Variants in PPFIBP2 observed in about 807,000 individuals in gnomAD.
PPFIBP2 encodes the protein PPFIB scaffold protein 2, also known as liprin-beta-2.
Under a neutral mutation model 118.3 loss-of-function variants are expected in PPFIBP2, and 118 were observed. The ratio of observed to expected loss-of-function variants is 1.00; its 90% CI spans 0.86 to 1.16. The LOEUF (loss-of-function observed/expected upper bound fraction) is 1.16. PPFIBP2 is among the 50% of genes most tolerant of loss of function. The pLI is 0.00. For missense variants in PPFIBP2, 1,195 were observed against 1,073.1 expected (o/e 1.11, Z -1.59); for synonymous variants, 414 against 397.4 (o/e 1.04, Z -0.50).
chr11:7,629,705 A>G (rs1371804160), intron 10 of PPFIBP2, among the ~76,000 whole-genome samples, 171 bp downstream of exon 10: 1 of 152,208 alleles, frequency 6.6e-6, no homozygotes, highest in Non-Finnish European at 1.5e-5. Flanking sequence ...GCAGTTGTTG[A>G]TTTCCAGAAA....
the PPFIBP2 span, chr11:7,666,786 T>C: frequency 2.5e-6 from 1 of 405,512 alleles, no homozygotes; most frequent in Non-Finnish European, 4.6e-6. Context: ...TAGGTTCCCA[T>C]GGAGCTGCAG....
At chr11:7,542,529 AT>A (rs1851904129) in intron 1 of PPFIBP2, among the ~76,000 whole-genome samples, 1 of 152,122 alleles carries the variant, frequency 6.6e-6, no homozygotes, top group African/African-American at 2.4e-5. Flanking sequence ...CAGCTGCTTA[AT>A]TTTTTTAGTC....
chr11:7,642,630 C>T (rs1852371100), intron 17 of PPFIBP2, among the ~76,000 whole-genome samples: 1 of 152,162 alleles, frequency 6.6e-6, no homozygotes, highest in African/African-American at 2.4e-5. Flanking sequence ...ATCAGTACTC[C>T]TGGAGGTCTT....
At chr11:7,584,507 G>A (rs1005493829) in intron 3 of PPFIBP2, among the ~76,000 whole-genome samples, 1 of 152,176 alleles carries the variant, frequency 6.6e-6, no homozygotes, top group African/African-American at 2.4e-5. Context: ...GACAAAGATG[G>A]TAGATTGGCT....
At chr11:7,650,202 G>T (rs1853770962) in intron 21 of PPFIBP2, among the ~76,000 whole-genome samples, 1 of 152,104 alleles carries the variant, frequency 6.6e-6, no homozygotes, top group Non-Finnish European at 1.5e-5. Context: ...AGTTCTTGGT[G>T]GACCCCCAAA....
chr11:7,562,929 TTATATATATATATATATATA>T (rs60848890), intron 2 of PPFIBP2, among the ~76,000 whole-genome samples: 1,169 of 86,522 alleles, frequency 0.014, 30 homozygotes, highest in East Asian at 0.032. Context: ...AATTAAAGTT[TTATATATATATATATATATA>T]TATATATATA....
At chr11:7,600,565 C>A (rs1449669251) in intron 5 of PPFIBP2, among the ~76,000 whole-genome samples, 1 of 152,182 alleles carries the variant, frequency 6.6e-6, no homozygotes, top group Non-Finnish European at 1.5e-5. Flanking sequence ...CAAACAATTG[C>A]CTCTTTCTGC....
intron 1 of PPFIBP2, among the ~76,000 whole-genome samples, chr11:7,544,847 G>A (rs747359108): frequency 6.7e-5 from 10 of 149,142 alleles, no homozygotes; most frequent in Non-Finnish European, 1.3e-4. Context: ...TTCACATGTC[G>A]CTTGGGATTT....
chr11:7,568,240 A>G (rs915110748), intron 3 of PPFIBP2, among the ~76,000 whole-genome samples: 4 of 152,236 alleles, frequency 2.6e-5, no homozygotes, highest in African/African-American at 9.6e-5. Flanking sequence ...CAAGATGTCC[A>G]GAAGACAGAC....
rs577108948 is a variant in PPFIBP2, at chr11:7,607,360, G to A, written c.487-2931G>A. On this transcript the variant is annotated intron_variant, in intron 5 of 23. Coordinates refer to ENST00000299492, the MANE Select transcript of PPFIBP2 (RefSeq NM_003621.5). ...GTAGCTGGAACTACTTGAGGCCCAT[G>A]CCACCACGGGTGCTAATTTTTTTTT... 9.2e-4 allele frequency among the ~76,000 whole-genome samples: 138 copies of A among 150,550 alleles called. 2 individuals are homozygous for A. The South Asian group carries it at 0.016, about 18-fold the overall frequency.
intron 9 of PPFIBP2, 83 bp from the exon 10 acceptor site, chr11:7,629,376 A>C (rs6578887): frequency 0.54 from 713,688 of 1,330,126 alleles, 196,415 homozygotes; most frequent in African/African-American, 0.8. Flanking sequence ...TCCTTGTGCC[A>C]AGAACATAGC....
downstream of PPFIBP2, chr11:7,655,310 C>A: frequency 1.5e-6 from 1 of 655,560 alleles, no homozygotes; most frequent in Non-Finnish European, 2.4e-6. Context: ...CACTCCTTGC[C>A]TGTCCCTCCA....
chr11:7,647,743 A>C (rs1208945601), intron 17 of PPFIBP2, among the ~76,000 whole-genome samples: 1 of 152,214 alleles, frequency 6.6e-6, no homozygotes, highest in Non-Finnish European at 1.5e-5. Flanking sequence ...ATCTGTAAAG[A>C]ATGGCTTTAT....
intron 11 of PPFIBP2, 171 bp from the exon 12 acceptor site, chr11:7,632,696 C>T (rs1252828280): frequency 3.6e-6 from 2 of 562,966 alleles, no homozygotes; most frequent in Non-Finnish European, 6.5e-6. Context: ...ATAAGCCTAC[C>T]ACACCCCCTT....
chr11:7,644,855 G>A (rs1473609428), intron 17 of PPFIBP2, among the ~76,000 whole-genome samples: 2 of 151,054 alleles, frequency 1.3e-5, no homozygotes, highest in Admixed American at 6.6e-5. Flanking sequence ...GTGAAACCCC[G>A]TCTCTACTAA....
At chr11:7,599,629 CTTTT>C (rs372421700) in intron 5 of PPFIBP2, among the ~76,000 whole-genome samples, 3 of 134,004 alleles carry the variant, frequency 2.2e-5, no homozygotes, top group Non-Finnish European at 1.6e-5. Flanking sequence ...AACTCAATTA[CTTTT>C]TTTTTTTTTT....
At chr11:7,584,547 C>T (rs1857784749) in intron 3 of PPFIBP2, among the ~76,000 whole-genome samples, 1 of 152,178 alleles carries the variant, frequency 6.6e-6, no homozygotes, top group South Asian at 2.1e-4. Context: ...AAAAGCAGAA[C>T]TGGTCCTGGG....
chr11:7,653,509 G>A lies in PPFIBP2; in HGVS notation c.*291G>A. ...CTTGATGTTCATCTTCAGCACCAGT[G>A]GAAACACATGAACTTCGATGCAGGT... is the stretch of plus-strand genomic sequence containing the variant. On this transcript the variant is annotated 3_prime_UTR_variant, in exon 24 of 24. Transcript: ENST00000299492. 1 of 1,377,192 alleles carries A rather than the reference G, an allele frequency of 7.3e-7. No individual in the cohort carries two copies. Among genetic ancestry groups the A allele is most frequent in the South Asian group, 1.2e-5 (1 of 81,766 alleles). 85.3% of individuals were successfully genotyped at this position (1,377,192 alleles called of 1,614,324 possible). A position where few individuals can be genotyped will look rare whatever the true frequency, so the allele number is the denominator to read the frequency against.
intron 1 of PPFIBP2, among the ~76,000 whole-genome samples, chr11:7,518,739 G>C (rs1224202699): frequency 6.6e-6 from 1 of 152,188 alleles, no homozygotes; most frequent in Non-Finnish European, 1.5e-5. Flanking sequence ...GTTAATTTGA[G>C]AGAGATCAGT....
Sources: allele counts gnomAD v4.1 joint callset (sites outside exome capture counted in the v4.1 genomes callset), GRCh38; gene constraint gnomAD v4.1.1; transcripts MANE v1.5; gene names NCBI Gene and HGNC (gene_info 2026-07-23, HGNC 2026-07-21).